ATXN3: variants seen among roughly 807,000 people sequenced by gnomAD.
The protein encoded by ATXN3 is ataxin 3.
A neutral mutation model predicts 58.2 loss-of-function variants in ATXN3; 28 were observed. That is an observed-to-expected ratio of 0.48 (90% confidence interval 0.36 to 0.66). The LOEUF is 0.66. ATXN3 is among the 30% of genes least tolerant of loss of function. The pLI is 0.00. For synonymous variants in ATXN3, 113 were observed against 138.5 expected (o/e 0.82, Z 1.29); for missense variants, 321 against 422.1 (o/e 0.76, Z 2.10).
At chr14:92,072,620 A>C (rs551666415) in intron 9 of ATXN3, among the ~76,000 whole-genome samples, 1 of 151,572 alleles carries the variant, frequency 6.6e-6, no homozygotes, top group African/African-American at 2.4e-5. Flanking sequence ...TATTTCATAT[A>C]TGTAAATACA....
intron 10 of ATXN3, chr14:92,070,713 TG>T: frequency 8.1e-7 from 1 of 1,241,812 alleles, no homozygotes; most frequent in Non-Finnish European, 1.1e-6. Context: ...CCCAAAGTGC[TG>T]GGATTACAGA....
At chr14:92,051,089 T>G (rs1346190080), upstream of ATXN3, among the ~76,000 whole-genome samples, 1 of 152,196 alleles carries the variant, frequency 6.6e-6, no homozygotes, top group Admixed American at 6.5e-5. Flanking sequence ...TATTGAAAAA[T>G]AAAAGATTTA....
At position 92,070,871 on chromosome 14, in the gene ATXN3, T is replaced by A. The variant is rs754352179; in HGVS notation, c.991+64A>T. On this transcript the variant is annotated intron_variant, in intron 10 of 10. Coordinates refer to ENST00000644486, the MANE Select transcript of ATXN3 (RefSeq NM_004993.6). ...AGAATAATGTAAAGCAAAAATCACA[T>A]GGAGCTCGTATGTCAGATAAAGTGT... The A allele has an allele frequency of 2.5e-6, 4 of 1,613,386 alleles. No homozygotes were observed. The South Asian group carries it at 4.4e-5, about 18-fold the overall frequency.
intron 1 of ATXN3, among the ~76,000 whole-genome samples, chr14:92,102,360 G>C (rs1328568726): frequency 6.6e-6 from 1 of 151,786 alleles, no homozygotes; most frequent in Non-Finnish European, 1.5e-5. Flanking sequence ...TCATTGTGTT[G>C]GGCTCAGAGA....
At chr14:92,093,509 G>A in intron 4 of ATXN3, 191 bp from the exon 5 acceptor site, 1 of 618,914 alleles carries the variant, frequency 1.6e-6, no homozygotes, top group Non-Finnish European at 2.8e-6. Context: ...GCCACAAGAT[G>A]GCCTCATGCA....
At chr14:92,065,871 ACTCTG>A (rs200925789) in intron 10 of ATXN3, among the ~76,000 whole-genome samples, 1,746 of 148,516 alleles carry the variant, frequency 0.012, 17 homozygotes, top group Non-Finnish European at 0.018. Context: ...ACAGAGCAAG[ACTCTG>A]CCTAAAAAAG....
chr14:92,096,275 G>C, intron 2 of ATXN3, 138 bp from the exon 3 acceptor site: 1 of 1,557,602 alleles, frequency 6.4e-7, no homozygotes, highest in Non-Finnish European at 8.7e-7. Context: ...TAATTCACCA[G>C]TCAGATCCCT....
At chr14:92,065,398 G>A (rs2058206697) in intron 10 of ATXN3, among the ~76,000 whole-genome samples, 1 of 152,168 alleles carries the variant, frequency 6.6e-6, no homozygotes, top group African/African-American at 2.4e-5. Context: ...GACAAGTAAA[G>A]CTGCTATAAA....
In ATXN3 at chr14:92,103,756, T is replaced by G. The variant is rs182945697; in HGVS notation, c.24+2773A>C. ...AATAAAGGGTACTCAAAGTGACTAC[T>G]CAGAAAGAGGAAACCAAGGTTCCAA... On this transcript the variant is annotated intron_variant, in intron 1 of 10. Coordinates refer to ENST00000644486, the MANE Select transcript of ATXN3 (RefSeq NM_004993.6). Among the ~76,000 whole-genome samples, 8 of 152,318 alleles carry G rather than the reference T, an allele frequency of 5.3e-5. No homozygotes were observed. In the East Asian group the frequency reaches 1.5e-3, roughly 29 times the overall value.
Position 92,059,662 on chromosome 14 carries a change from A to AC in ATXN3, c.*4657dup, listed in dbSNP as rs398118522. On this transcript the variant is annotated 3_prime_UTR_variant, in exon 11 of 11. Coordinates refer to ENST00000644486, the MANE Select transcript of ATXN3 (RefSeq NM_004993.6). ...TAAAAGCCCGTCTCTACTAAAAAAA[A>AC]CAAATATTCGCCAGGTGTAGTGGCA... is the stretch of plus-strand genomic sequence containing the variant. 6.6e-6 allele frequency: 1 copy of AC among 151,476 alleles called. No homozygotes were observed. The highest frequency in any genetic ancestry group is 1.5e-5 in the Non-Finnish European group (1 of 67,910). The allele number at this position is 151,476 out of a possible 1,614,324, so 9.4% of individuals were successfully genotyped here.
At chr14:92,099,694 C>T (rs1197180416) in intron 1 of ATXN3, among the ~76,000 whole-genome samples, 13 of 145,548 alleles carry the variant, frequency 8.9e-5, no homozygotes, top group East Asian at 1.9e-4. Context: ...CATGGTGAAA[C>T]CCCATTTCTA....
intron 10 of ATXN3, among the ~76,000 whole-genome samples, chr14:92,067,261 CTTT>C (rs1270387745): frequency 6.6e-6 from 1 of 152,172 alleles, no homozygotes; most frequent in Non-Finnish European, 1.5e-5. Context: ...GTGTGAACTT[CTTT>C]GAGTTTATCA....
At chr14:92,087,955 G>A (rs2062953365) in intron 6 of ATXN3, among the ~76,000 whole-genome samples, 3 of 152,048 alleles carry the variant, frequency 2.0e-5, no homozygotes, top group South Asian at 2.1e-4. Flanking sequence ...AGTAGTTGAA[G>A]TAGAGAAAAA....
chr14:92,091,632 T>TA (rs1566965575), intron 5 of ATXN3, among the ~76,000 whole-genome samples: 14 of 152,234 alleles, frequency 9.2e-5, no homozygotes, highest in South Asian at 4.1e-4. Flanking sequence ...TATTTACATT[T>TA]TAAAAAAAAC....
rs1268569669 is a variant in ATXN3, at chr14:92,062,194, T to C, written c.*2126A>G. The C allele has an allele frequency of 3.3e-5, 5 of 151,866 alleles. No individual in the cohort carries two copies. Among genetic ancestry groups the C allele is most frequent in the Admixed American group, 6.6e-5 (1 of 15,248 alleles). 9.4% of individuals were successfully genotyped at this position (151,866 alleles called of 1,614,324 possible). ...ATTGCTTGAACCCGGGAGGTGGAAG[T>C]TGTAGTGAGCCGAGATCATGCCACT... On this transcript the variant is annotated 3_prime_UTR_variant, in exon 11 of 11. Transcript: ENST00000644486.
rs150065649 is a variant in ATXN3, at chr14:92,103,632, C to T, written c.24+2897G>A. ...TTGTAGAGACAGGTCTCACCACGCC[C>T]GGCCCCATTCAAATATTTATTGAGT... On this transcript the variant is annotated intron_variant, in intron 1 of 10. Transcript: ENST00000644486. 3.2e-4 allele frequency among the ~76,000 whole-genome samples: 48 copies of T among 152,246 alleles called. No individual in the cohort carries two copies. The East Asian group carries it at 8.5e-3, about 27-fold the overall frequency.
At chr14:92,085,637 C>T (rs1407884407) in intron 6 of ATXN3, among the ~76,000 whole-genome samples, 2 of 152,070 alleles carry the variant, frequency 1.3e-5, no homozygotes, top group African/African-American at 4.8e-5. Context: ...AAGAGTCACC[C>T]TTATGGAAAT....
intron 9 of ATXN3, among the ~76,000 whole-genome samples, chr14:92,075,829 G>T (rs2060258646): frequency 6.6e-6 from 1 of 152,176 alleles, no homozygotes. Context: ...GCAAGCCATT[G>T]TTAAAAATGA....
At chr14:92,089,425 G>A (rs1188058730) in intron 5 of ATXN3, among the ~76,000 whole-genome samples, 1 of 139,822 alleles carries the variant, frequency 7.2e-6, no homozygotes, top group African/African-American at 2.7e-5. Flanking sequence ...TGCAAGCTCC[G>A]CCTCCCGGGT....
Sources: gnomAD v4.1 joint callset for allele counts (sites outside exome capture counted in the v4.1 genomes callset) on GRCh38, gnomAD v4.1.1 for gene constraint, MANE v1.5 for transcripts, NCBI Gene and HGNC (gene_info 2026-07-23, HGNC 2026-07-21) for gene names.